The following LOC128462377 variants were observed in gnomAD, a reference collection of about 807,000 sequenced individuals.
the LOC128462377 span, chr16:89,328,904 CG>C: frequency 1.8e-5 from 2 of 113,700 alleles, 1 homozygote; most frequent in African/African-American, 7.4e-5. Flanking sequence ...GGAGCACGGG[CG>C]AAATCAGTGG....
chr16:89,383,310 G>C, the LOC128462377 span, among the ~76,000 whole-genome samples: 1 of 152,232 alleles, frequency 6.6e-6, no homozygotes, highest in Non-Finnish European at 1.5e-5. Flanking sequence ...ACCCCTCCTA[G>C]CCATGCCTGC....
At chr16:89,336,646 A>AC in the LOC128462377 span, among the ~76,000 whole-genome samples, 2 of 152,112 alleles carry the variant, frequency 1.3e-5, no homozygotes, top group South Asian at 2.1e-4. Context: ...TGGGCACCAC[A>AC]CCCCCCGGGT....
chr16:89,346,806 T>C, the LOC128462377 span, among the ~76,000 whole-genome samples: 1 of 152,142 alleles, frequency 6.6e-6, no homozygotes, highest in Non-Finnish European at 1.5e-5. Flanking sequence ...AAAGTTAGAA[T>C]ACAACCAAAA....
chr16:89,321,874 T>C, the LOC128462377 span, among the ~76,000 whole-genome samples: 255 of 152,274 alleles, frequency 1.7e-3, 1 homozygote, highest in South Asian at 2.9e-3. Context: ...ATCTCTCCTC[T>C]TCCTCTTCAG....
chr16:89,336,666 CA>C, the LOC128462377 span, among the ~76,000 whole-genome samples: 1 of 152,202 alleles, frequency 6.6e-6, no homozygotes, highest in Non-Finnish European at 1.5e-5. Flanking sequence ...TGGGCCACGA[CA>C]GGGAGCACAG....
At chr16:89,336,693 G>A in the LOC128462377 span, among the ~76,000 whole-genome samples, 3 of 152,204 alleles carry the variant, frequency 2.0e-5, no homozygotes, top group Non-Finnish European at 2.9e-5. Context: ...AGGAGACCCG[G>A]CCTGTCCTAA....
chr16:89,409,965 G>A, the LOC128462377 span, among the ~76,000 whole-genome samples: 2 of 151,992 alleles, frequency 1.3e-5, no homozygotes, highest in African/African-American at 2.4e-5. Flanking sequence ...TCAGCCTCCT[G>A]AGTAGCTGGG....
At chr16:89,381,899 T>C in the LOC128462377 span, among the ~76,000 whole-genome samples, 1 of 152,246 alleles carries the variant, frequency 6.6e-6, no homozygotes, top group Non-Finnish European at 1.5e-5. Context: ...GTGACCACAG[T>C]CCAGCCGACT....
At chr16:89,343,331 A>G in the LOC128462377 span, among the ~76,000 whole-genome samples, 5 of 152,350 alleles carry the variant, frequency 3.3e-5, no homozygotes, top group South Asian at 1.0e-3. Flanking sequence ...GTGTTCCCAA[A>G]AACAGAAAAA....
the LOC128462377 span, among the ~76,000 whole-genome samples, chr16:89,336,609 C>T: frequency 2.1e-4 from 32 of 152,280 alleles, 1 homozygote; most frequent in African/African-American, 6.7e-4. Flanking sequence ...GTTAAAGTGA[C>T]GCTTTGTAAG....
the LOC128462377 span, among the ~76,000 whole-genome samples, chr16:89,411,700 C>T: frequency 1.3e-5 from 2 of 152,158 alleles, no homozygotes; most frequent in African/African-American, 4.8e-5. Context: ...GGCCAGTTTA[C>T]ATTCGGAACC....
chr16:89,372,216 A>G, the LOC128462377 span, among the ~76,000 whole-genome samples: 1 of 152,236 alleles, frequency 6.6e-6, no homozygotes, highest in Non-Finnish European at 1.5e-5. Flanking sequence ...ATGGATCCTG[A>G]CACTCAGAGC....
At chr16:89,391,561 G>GA in the LOC128462377 span, among the ~76,000 whole-genome samples, 1 of 152,150 alleles carries the variant, frequency 6.6e-6, no homozygotes, top group Non-Finnish European at 1.5e-5. Context: ...GAGAGCAAAG[G>GA]AAAAATCTGA....
At chr16:89,325,675 G>T in the LOC128462377 span, among the ~76,000 whole-genome samples, 4 of 152,228 alleles carry the variant, frequency 2.6e-5, no homozygotes, top group South Asian at 8.3e-4. Flanking sequence ...GGCTGCGGAG[G>T]CGTTTGCTTT....
the LOC128462377 span, among the ~76,000 whole-genome samples, chr16:89,370,076 AG>A: frequency 6.6e-6 from 1 of 152,228 alleles, no homozygotes; most frequent in Non-Finnish European, 1.5e-5. Flanking sequence ...GCTCTCACTG[AG>A]GAAGAATCTC....
the LOC128462377 span, among the ~76,000 whole-genome samples, chr16:89,379,868 C>A: frequency 2.6e-5 from 4 of 152,150 alleles, no homozygotes; most frequent in African/African-American, 9.7e-5. Context: ...TTTGAAAATG[C>A]AGAAAAATAA....
chr16:89,401,561 G>T, the LOC128462377 span, among the ~76,000 whole-genome samples: 1 of 152,090 alleles, frequency 6.6e-6, no homozygotes, highest in Admixed American at 6.5e-5. Flanking sequence ...GATTACAGGC[G>T]ATTTTTACTT....
chr16:89,388,101 C>G, the LOC128462377 span, among the ~76,000 whole-genome samples: 1 of 151,934 alleles, frequency 6.6e-6, no homozygotes, highest in African/African-American at 2.4e-5. Flanking sequence ...AGTTCAGAGT[C>G]CCTGTACAGC....
At chr16:89,376,426 G>C in the LOC128462377 span, among the ~76,000 whole-genome samples, 2 of 152,178 alleles carry the variant, frequency 1.3e-5, no homozygotes, top group African/African-American at 4.8e-5. Context: ...AAGGACATGT[G>C]CCTGAACAGG....
Sources: gnomAD v4.1 joint callset for allele counts (sites outside exome capture counted in the v4.1 genomes callset) on GRCh38, gnomAD v4.1.1 for gene constraint, MANE v1.5 for transcripts.